Variants in GPC6 observed in about 807,000 individuals in gnomAD.
GPC6 encodes glypican 6.
A neutral mutation model predicts 55.2 loss-of-function variants in GPC6; 14 were observed. That is an observed-to-expected ratio of 0.25 (90% CI 0.17 to 0.40). GPC6 has a LOEUF of 0.40. GPC6 is among the 10% of genes least tolerant of loss of function. GPC6 has a pLI of 1.00. For synonymous variants in GPC6, 278 were observed against 259.6 expected (o/e 1.07, Z -0.68); for missense variants, 641 against 708.5 (o/e 0.90, Z 1.08).
intron 2 of GPC6, among the ~76,000 whole-genome samples, chr13:93,562,196 G>T (rs1041162066): frequency 6.6e-6 from 1 of 151,946 alleles, no homozygotes; most frequent in African/African-American, 2.4e-5. Flanking sequence ...ATTTAGTGCC[G>T]TTACCAGACT....
At chr13:93,275,545 A>G (rs35589739) in intron 1 of GPC6, among the ~76,000 whole-genome samples, 27,125 of 152,176 alleles carry the variant, frequency 0.18, 2,925 homozygotes, top group Admixed American at 0.27. Flanking sequence ...GGGGACAGAA[A>G]TTAATTTCCT....
chr13:94,081,288 C>G (rs1368071363), intron 4 of GPC6, among the ~76,000 whole-genome samples: 1 of 152,200 alleles, frequency 6.6e-6, no homozygotes, highest in Admixed American at 6.5e-5. Flanking sequence ...ATTACTACCA[C>G]CATTTAATTG....
intron 2 of GPC6, among the ~76,000 whole-genome samples, chr13:93,787,274 A>G (rs900265488): frequency 2.0e-5 from 3 of 152,206 alleles, no homozygotes; most frequent in Non-Finnish European, 4.4e-5. Flanking sequence ...ATTTCTCTGT[A>G]CAGAGCAGAG....
intron 1 of GPC6, among the ~76,000 whole-genome samples, chr13:93,280,697 A>G (rs1877920638): frequency 6.6e-6 from 1 of 152,196 alleles, no homozygotes; most frequent in Non-Finnish European, 1.5e-5. Context: ...TGCTGGCGCT[A>G]ATTTTTTAAG....
chr13:94,214,485 A>C (rs1890171237), intron 4 of GPC6, among the ~76,000 whole-genome samples: 1 of 152,172 alleles, frequency 6.6e-6, no homozygotes, highest in African/African-American at 2.4e-5. Flanking sequence ...ATATATTAGA[A>C]ATCTTATTTG....
intron 4 of GPC6, among the ~76,000 whole-genome samples, chr13:94,148,869 T>C (rs539494867): frequency 6.6e-6 from 1 of 152,118 alleles, no homozygotes; most frequent in South Asian, 2.1e-4. Flanking sequence ...AATGACCTCA[T>C]CTATAAAATG....
At position 94,382,484 on chromosome 13, in the gene GPC6, A is replaced by T; in HGVS notation, c.1223A>T (p.Lys408Met). The T allele has an allele frequency of 6.2e-7, 1 of 1,614,214 alleles. No individual in the cohort carries two copies. The highest frequency in any genetic ancestry group is 1.1e-5 in the South Asian group (1 of 91,088). ...TCAGCATTACCCTACACTATCTGCAAGGACGAGAGCGTGACAGCGGGCACG... is the reference window on the plus strand; with the variant it reads ...TCAGCATTACCCTACACTATCTGCATGGACGAGAGCGTGACAGCGGGCACG... ...VWSALPYTIC[K>M]DESVTAGTSN... The change falls in exon 7 of 9, where the codon AAG becomes ATG. Residue 408 changes from lysine (K) to methionine (M), a missense_variant. Physicochemically the swap from Lys to Met is moderately conservative, Grantham distance 95. Coordinates refer to ENST00000377047, the MANE Select transcript of GPC6 (RefSeq NM_005708.5).
intron 3 of GPC6, among the ~76,000 whole-genome samples, chr13:93,877,056 G>C (rs1403688409): frequency 6.6e-6 from 1 of 151,818 alleles, no homozygotes; most frequent in Non-Finnish European, 1.5e-5. Context: ...TGTAGGAATG[G>C]GTATATCTTC....
chr13:93,903,896 G>A (rs1210784765), intron 3 of GPC6, among the ~76,000 whole-genome samples: 1 of 152,030 alleles, frequency 6.6e-6, no homozygotes, highest in East Asian at 1.9e-4. Flanking sequence ...TGGCTTGTAT[G>A]TTGTCTTTCC....
chr13:93,593,234 C>G (rs1877569676), intron 2 of GPC6, among the ~76,000 whole-genome samples: 1 of 151,882 alleles, frequency 6.6e-6, no homozygotes, highest in African/African-American at 2.4e-5. Context: ...TGAATATGTC[C>G]TGCATTTTGT....
intron 2 of GPC6, among the ~76,000 whole-genome samples, chr13:93,623,455 C>CTTTTTTTTTTTTT (rs567830011): frequency 3.4e-5 from 4 of 116,192 alleles, no homozygotes; most frequent in African/African-American, 1.4e-4. Context: ...CTTTTCTTTT[C>CTTTTTTTTTTTTT]TTTTTTTTTT....
intron 1 of GPC6, among the ~76,000 whole-genome samples, chr13:93,331,680 G>A (rs1262910439): frequency 6.6e-6 from 1 of 151,904 alleles, no homozygotes; most frequent in Non-Finnish European, 1.5e-5. Context: ...GAATGGAGTT[G>A]TAACTCATAT....
chr13:93,640,816 T>TTCC (rs1566463733), intron 2 of GPC6, among the ~76,000 whole-genome samples: 9 of 58,430 alleles, frequency 1.5e-4, no homozygotes, highest in African/African-American at 4.2e-4. Context: ...TCCTTCCTTC[T>TTCC]TTCCTTCCTT....
At chr13:93,928,064 T>G (rs995588877) in intron 3 of GPC6, among the ~76,000 whole-genome samples, 2 of 152,126 alleles carry the variant, frequency 1.3e-5, no homozygotes, top group African/African-American at 4.8e-5. Context: ...CTGCACACTC[T>G]TATACTTAAA....
chr13:94,148,363 T>C (rs1223995388), intron 4 of GPC6, among the ~76,000 whole-genome samples: 1 of 152,190 alleles, frequency 6.6e-6, no homozygotes, highest in Non-Finnish European at 1.5e-5. Context: ...TATTTGCTTA[T>C]TAAATGATTT....
intron 2 of GPC6, among the ~76,000 whole-genome samples, chr13:93,736,793 C>T (rs1302158539): frequency 1.3e-5 from 2 of 151,992 alleles, no homozygotes; most frequent in African/African-American, 2.4e-5. Flanking sequence ...CAATTTGTTT[C>T]TTGGATGGAA....
At chr13:93,755,428 A>T in intron 2 of GPC6, among the ~76,000 whole-genome samples, 1 of 152,164 alleles carries the variant, frequency 6.6e-6, no homozygotes, top group East Asian at 1.9e-4. Flanking sequence ...GACTAAGTAA[A>T]TACAGATTAT....
chr13:94,361,568 A>C (rs961129652), intron 6 of GPC6, among the ~76,000 whole-genome samples: 12 of 152,230 alleles, frequency 7.9e-5, no homozygotes, highest in African/African-American at 2.9e-4. Context: ...GAACATGAAA[A>C]TCATTTATTC....
At chr13:93,590,223 GAGTTTTCCATTAAT>G (rs1390978337) in intron 2 of GPC6, among the ~76,000 whole-genome samples, 1 of 152,180 alleles carries the variant, frequency 6.6e-6, no homozygotes, top group Non-Finnish European at 1.5e-5. Context: ...ATGGAGCTGT[GAGTTTTCCATTAAT>G]AGTTTTGTGA....
Sources: gnomAD v4.1 joint callset for allele counts (sites outside exome capture counted in the v4.1 genomes callset) on GRCh38, gnomAD v4.1.1 for gene constraint, MANE v1.5 for transcripts, NCBI Gene and HGNC (gene_info 2026-07-23, HGNC 2026-07-21) for gene names.